UBR3: variants seen among roughly 807,000 people sequenced by gnomAD.
UBR3 encodes ubiquitin protein ligase E3 component n-recognin 3, also known as E3 ubiquitin-protein ligase UBR3.
Under a neutral mutation model 243.2 loss-of-function variants are expected in UBR3, and 85 were observed. The ratio of observed to expected loss-of-function variants is 0.35; its 90% CI spans 0.29 to 0.42. UBR3 has a LOEUF of 0.42. UBR3 is among the 10% of genes least tolerant of loss of function. The probability of loss-of-function intolerance (pLI) is 1.00; values close to 1 mark genes in which losing one functional copy is unlikely to be tolerated. For synonymous variants in UBR3, 748 were observed against 799.8 expected (o/e 0.94, Z 1.09); for missense variants, 1,686 against 2,300.8 (o/e 0.73, Z 5.47).
At position 169,940,678 on chromosome 2, in the gene UBR3, A is replaced by G. The variant is rs573490121; in HGVS notation, c.2664-1815A>G. Among the ~76,000 whole-genome samples, 3 of 152,282 alleles carry G rather than the reference A, an allele frequency of 2.0e-5. No individual in the cohort carries two copies. In the East Asian group the frequency reaches 5.8e-4, roughly 29 times the overall value. On this transcript the variant is annotated intron_variant, in intron 19 of 38. Coordinates refer to ENST00000272793, the MANE Select transcript of UBR3 (RefSeq NM_172070.4). ...CTCTCATTTAGATAAGTATGTTAAT[A>G]TCCTTTACTATGGTTGTAGATTTGT...
intron 31 of UBR3, among the ~76,000 whole-genome samples, chr2:170,040,656 AAC>A (rs759419753): frequency 5.3e-5 from 8 of 152,134 alleles, no homozygotes; most frequent in Non-Finnish European, 1.2e-4. Context: ...TCACTTTGAT[AAC>A]ACAACACATT....
intron 11 of UBR3, among the ~76,000 whole-genome samples, chr2:169,921,308 A>G (rs13024449): frequency 0.47 from 70,962 of 151,962 alleles, 18,496 homozygotes; most frequent in Non-Finnish European, 0.6. Flanking sequence ...TGAGATTTGG[A>G]ACTCATCTGG....
chr2:169,907,853 C>T (rs1052178905), intron 10 of UBR3, among the ~76,000 whole-genome samples: 2 of 151,958 alleles, frequency 1.3e-5, no homozygotes, highest in African/African-American at 2.4e-5. Flanking sequence ...CTCACTGCAA[C>T]CTCTGCCTCC....
intron 30 of UBR3, among the ~76,000 whole-genome samples, chr2:170,029,046 A>C (rs2090604229): frequency 6.6e-6 from 1 of 151,976 alleles, no homozygotes; most frequent in Non-Finnish European, 1.5e-5. Flanking sequence ...AGAAGTACAA[A>C]CTGGCAAGGC....
At position 170,025,110 on chromosome 2, in the gene UBR3, A is replaced by G. The variant is rs190051822; in HGVS notation, c.4454-4236A>G. 3.8e-4 allele frequency among the ~76,000 whole-genome samples: 58 copies of G among 152,254 alleles called. No homozygotes were observed. In the East Asian group the frequency reaches 0.01, roughly 27 times the overall value. On this transcript the variant is annotated intron_variant, in intron 30 of 38. Coordinates refer to ENST00000272793, the MANE Select transcript of UBR3 (RefSeq NM_172070.4). ...TTATGATTTTTTCATAGAATTGTAG[A>G]TATATAATGCTCAGACTACTTTTAA... is the stretch of plus-strand genomic sequence containing the variant.
rs1300641002 is a variant in UBR3, at chr2:169,859,756, G to A, written c.546-12480G>A. Among the ~76,000 whole-genome samples the A allele has an allele frequency of 1.3e-4, 20 of 151,328 alleles. 1 individual carries two copies. Among genetic ancestry groups the A allele is most frequent in the Admixed American group, 1.3e-3 (20 of 15,190 alleles). The stretch of plus-strand genomic sequence containing the variant: ...TTTGAGATGGAGTTTCACTTTTACT[G>A]CCTAGGCTGGAGTGCAGTCGCATGA... On this transcript the variant is annotated intron_variant, in intron 1 of 38. Coordinates refer to ENST00000272793, the MANE Select transcript of UBR3 (RefSeq NM_172070.4).
chr2:169,912,381 C>T (rs6747591), intron 10 of UBR3, among the ~76,000 whole-genome samples: 2 of 151,994 alleles, frequency 1.3e-5, no homozygotes, highest in Admixed American at 1.3e-4. Context: ...CTCCCCTCAT[C>T]TCTTGGAAAC....
chr2:169,901,041 C>CT (rs1289090373), intron 8 of UBR3, among the ~76,000 whole-genome samples: 2 of 152,080 alleles, frequency 1.3e-5, no homozygotes, highest in South Asian at 2.1e-4. Context: ...TAAACTTTAC[C>CT]TTGCTTGATT....
intron 1 of UBR3, among the ~76,000 whole-genome samples, chr2:169,856,076 G>A (rs562764441): frequency 2.0e-5 from 3 of 151,788 alleles, no homozygotes; most frequent in South Asian, 2.1e-4. Context: ...CTTCCCAGAC[G>A]GGGCGGCTGC....
chr2:169,882,431 A>T (rs1415012116), intron 5 of UBR3, among the ~76,000 whole-genome samples: 1 of 147,626 alleles, frequency 6.8e-6, no homozygotes, highest in Non-Finnish European at 1.5e-5. Context: ...ATGGTTTTAA[A>T]CTTGTCAAGT....
chr2:170,073,593 G>T lies in UBR3; in HGVS notation c.5185G>T (p.Ala1729Ser). The T allele has an allele frequency of 1.2e-6, 2 of 1,612,880 alleles. No homozygotes were observed. Among genetic ancestry groups the T allele is most frequent in the Non-Finnish European group, 1.7e-6 (2 of 1,179,426 alleles). Residue 1729 changes from alanine to serine, a missense_variant, in exon 36 of 39, where the codon GCA becomes TCA. By Grantham distance (99) the Ala-to-Ser change is moderately conservative (BLOSUM62 1). This residue lies in a region of UBR3 where 371 missense variants were observed against 422.5 expected (regional missense o/e 0.88). Transcript: ENST00000272793. Reference sequence around the variant, plus strand: ...GATAAAATCATTTACTGAAAGACATGCAGAACAAGGAAAGGTATGTTAAAA... The same window carrying T: ...GATAAAATCATTTACTGAAAGACATTCAGAACAAGGAAAGGTATGTTAAAA... ...FEIKSFTERHAEQGKALLIQE... is the reference protein window; with the variant it reads ...FEIKSFTERHSEQGKALLIQE...
At chr2:170,081,624 A>C (rs945297206) in intron 38 of UBR3, 102 bp from the exon 39 acceptor site, 2 of 735,554 alleles carry the variant, frequency 2.7e-6, no homozygotes, top group African/African-American at 3.7e-5. Flanking sequence ...CAGGAGGCGG[A>C]GGTTGCACTG....
intron 3 of UBR3, among the ~76,000 whole-genome samples, chr2:169,877,266 C>T (rs377011359): frequency 4.6e-5 from 7 of 152,136 alleles, no homozygotes; most frequent in African/African-American, 1.7e-4. Flanking sequence ...TTTAGATGCC[C>T]ACCTACTTTG....
chr2:169,884,403 C>T (rs1226781851), intron 5 of UBR3, among the ~76,000 whole-genome samples: 1 of 152,186 alleles, frequency 6.6e-6, no homozygotes, highest in Non-Finnish European at 1.5e-5. Context: ...CTGCCCTGGC[C>T]TCCCAAACTG....
Position 169,877,554 on chromosome 2 carries a change from G to A in UBR3, c.905G>A (p.Ser302Asn). 6.5e-7 allele frequency: 1 copy of A among 1,549,468 alleles called. No individual in the cohort carries two copies. Among genetic ancestry groups the A allele is most frequent in the Non-Finnish European group, 8.7e-7 (1 of 1,146,572 alleles). Residue 302 changes from serine (S) to asparagine (N), a missense_variant, in exon 4 of 39, where the codon AGC becomes AAC. Ser to Asn is a conservative substitution (Grantham distance 46). This residue lies in a region of UBR3 where 200 missense variants were observed against 231.6 expected (regional missense o/e 0.86). Transcript: ENST00000272793. ...SHEKYLIALK[S>N]SGLTYPEDKL... Reference sequence around the variant, plus strand: ...GAAAAGTACCTTATAGCTTTAAAGAGCTCTGGACTTACATATCCTGAGGAT... The same window carrying A: ...GAAAAGTACCTTATAGCTTTAAAGAACTCTGGACTTACATATCCTGAGGAT...
chr2:170,060,334 T>C (rs1467182378), intron 33 of UBR3, among the ~76,000 whole-genome samples: 2 of 152,106 alleles, frequency 1.3e-5, no homozygotes, highest in African/African-American at 4.8e-5. Flanking sequence ...TTCTTTCTGA[T>C]AAAAATGGAA....
intron 24 of UBR3, among the ~76,000 whole-genome samples, chr2:169,970,448 A>G (rs2088074143): frequency 8.4e-6 from 1 of 119,190 alleles, no homozygotes; most frequent in South Asian, 3.2e-4. Context: ...AGCATTAGGT[A>G]TATCTCCCAA....
At position 169,886,225 on chromosome 2, in the gene UBR3, A is replaced by T. The variant is rs554400834; in HGVS notation, c.1039-4940A>T. Among the ~76,000 whole-genome samples, 18 of 152,298 alleles carry T rather than the reference A, an allele frequency of 1.2e-4. No individual in the cohort carries two copies. In the East Asian group the frequency reaches 2.9e-3, roughly 24 times the overall value. On this transcript the variant is annotated intron_variant, in intron 5 of 38. Transcript: ENST00000272793. ...GTTTAATTTTAATTTGGTATCATAAATTACATTAATGGTAAGGGTAGGGCA... is the reference window on the plus strand; with the variant it reads ...GTTTAATTTTAATTTGGTATCATAATTTACATTAATGGTAAGGGTAGGGCA...
At chr2:169,972,293 G>A (rs944665695) in intron 24 of UBR3, among the ~76,000 whole-genome samples, 2 of 152,046 alleles carry the variant, frequency 1.3e-5, no homozygotes, top group Admixed American at 6.6e-5. Flanking sequence ...ACCAAAAAGA[G>A]TCCAGGACCA....
Sources: gnomAD v4.1 joint callset for allele counts (sites outside exome capture counted in the v4.1 genomes callset) on GRCh38, gnomAD v4.1.1 for gene constraint, gnomAD v4.1.1 regional missense constraint, MANE v1.5 for transcripts, NCBI Gene and HGNC (gene_info 2026-07-23, HGNC 2026-07-21) for gene names.